C2orf72: variants seen among roughly 807,000 people sequenced by gnomAD.
The protein encoded by C2orf72 is uncharacterized protein C2orf72.
C2orf72 carries 16 observed loss-of-function variants against 14.4 expected under a neutral mutation model. The observed-to-expected ratio is 1.11, with a 90% CI of 0.75 to 1.69. The LOEUF is 1.69. Ranked by LOEUF, C2orf72 falls within the 40% of genes most tolerant of loss-of-function variation. The pLI is 0.00. For synonymous variants in C2orf72, 168 were observed against 176.8 expected, an observed-to-expected ratio of 0.95 and a Z score of 0.40; for missense variants, 371 against 358.3, an observed-to-expected ratio of 1.04 and a Z score of -0.29.
chr2:231,042,070 G>A (rs945391793), intron 2 of C2orf72, among the ~76,000 whole-genome samples: 37 of 152,118 alleles, frequency 2.4e-4, no homozygotes, highest in African/African-American at 7.2e-4. Flanking sequence ...CCACCTAGGA[G>A]GAGGCTGTCG....
chr2:231,042,799 G>T (rs1353837039), intron 2 of C2orf72, among the ~76,000 whole-genome samples: 1 of 152,254 alleles, frequency 6.6e-6, no homozygotes, highest in Non-Finnish European at 1.5e-5. Context: ...GAGGTCAGGA[G>T]TTCAAGCCCA....
At chr2:231,045,118 C>T (rs921329302) in intron 2 of C2orf72, among the ~76,000 whole-genome samples, 26 of 151,702 alleles carry the variant, frequency 1.7e-4, no homozygotes, top group African/African-American at 6.3e-4. Flanking sequence ...CAAAAATTAG[C>T]CAGGGCGTGG....
At chr2:231,044,945 T>TTATATATATATATATATATATATATATA (rs58611878) in intron 2 of C2orf72, among the ~76,000 whole-genome samples, 58 of 141,614 alleles carry the variant, frequency 4.1e-4, no homozygotes, top group Admixed American at 1.3e-3. Flanking sequence ...ATATATATCT[T>TTATATATATATATATATATATATATATA]TATATATATA....
At chr2:231,039,940 G>T (rs777256052) in intron 1 of C2orf72, among the ~76,000 whole-genome samples, 1 of 151,836 alleles carries the variant, frequency 6.6e-6, no homozygotes, top group Admixed American at 6.6e-5. Context: ...ACGGGGTTTC[G>T]CCATATTGAC....
At position 231,047,295 on chromosome 2, in the gene C2orf72, G is replaced by A. The variant is rs1269604194; in HGVS notation, c.*274G>A. On this transcript the variant is annotated 3_prime_UTR_variant, in exon 3 of 3. Transcript: ENST00000373640. ...TGTCTCGGTTTCTCTGAGCCACTGA[G>A]ACAGATGGCTGTCCGCTTTGAGGCT... 2.0e-6 allele frequency: 1 copy of A among 512,234 alleles called. No individual in the cohort carries two copies. The highest frequency in any genetic ancestry group is 3.7e-6 in the Non-Finnish European group (1 of 271,948). 31.7% of individuals were successfully genotyped at this position (512,234 alleles called of 1,614,324 possible).
Position 231,049,618 on chromosome 2 carries a change from T to G in C2orf72, c.*2597T>G, listed in dbSNP as rs1260794236. ...CAGTCTGGGCTCTCGGGTACTAATCTTTCTAATATGGCAGTGGTTGTGGCA... is the reference window on the plus strand; with the variant it reads ...CAGTCTGGGCTCTCGGGTACTAATCGTTCTAATATGGCAGTGGTTGTGGCA... On this transcript the variant is annotated 3_prime_UTR_variant, in exon 3 of 3. Transcript: ENST00000373640. The G allele has an allele frequency of 6.6e-6, 1 of 152,248 alleles. No individual in the cohort carries two copies. The highest frequency in any genetic ancestry group is 2.4e-5 in the African/African-American group (1 of 41,452). 9.4% of individuals were successfully genotyped at this position (152,248 alleles called of 1,614,324 possible).
At chr2:231,040,113 AC>A (rs1370902277) in intron 1 of C2orf72, among the ~76,000 whole-genome samples, 1 of 151,590 alleles carries the variant, frequency 6.6e-6, no homozygotes, top group African/African-American at 2.4e-5. Context: ...CCTCCTCCTC[AC>A]CTGGCCAATC....
At position 231,049,388 on chromosome 2, in the gene C2orf72, C is replaced by T. The variant is rs1372682569; in HGVS notation, c.*2367C>T. ...GAGATGTGGCCACCATAAGCATCATCGTTGTAGGGACAGTCTCATTGCTGT... is the reference window on the plus strand; with the variant it reads ...GAGATGTGGCCACCATAAGCATCATTGTTGTAGGGACAGTCTCATTGCTGT... On this transcript the variant is annotated 3_prime_UTR_variant, in exon 3 of 3. Transcript: ENST00000373640. 2.6e-5 allele frequency: 4 copies of T among 152,218 alleles called. No homozygotes were observed. Among genetic ancestry groups the T allele is most frequent in the African/African-American group, 9.7e-5 (4 of 41,440 alleles). The allele number at this position is 152,218 out of a possible 1,614,324, so 9.4% of individuals were successfully genotyped here.
chr2:231,041,970 G>A (rs1693348622), intron 2 of C2orf72, among the ~76,000 whole-genome samples: 1 of 152,148 alleles, frequency 6.6e-6, no homozygotes, highest in Non-Finnish European at 1.5e-5. Flanking sequence ...CAGCCTTCAG[G>A]AGTAGTGTGC....
chr2:231,039,158 C>T (rs1031172861), intron 1 of C2orf72, among the ~76,000 whole-genome samples: 1 of 152,004 alleles, frequency 6.6e-6, no homozygotes, highest in African/African-American at 2.4e-5. Context: ...GAACATCACA[C>T]ACCAGGGACT....
At chr2:231,041,176 TCAGA>T (rs1190306530) in intron 1 of C2orf72, 116 bp from the exon 2 acceptor site, 2 of 677,976 alleles carry the variant, frequency 2.9e-6, no homozygotes, top group Non-Finnish European at 4.8e-6. Flanking sequence ...GTGTTTTTAA[TCAGA>T]CAGTTGAAAC....
intron 1 of C2orf72, among the ~76,000 whole-genome samples, chr2:231,038,791 AAG>A (rs1693297255): frequency 6.6e-6 from 1 of 151,978 alleles, no homozygotes; most frequent in Non-Finnish European, 1.5e-5. Flanking sequence ...GAGAGGGACT[AAG>A]AGTACATTTT....
Position 231,049,594 on chromosome 2 carries a change from A to C in C2orf72, c.*2573A>C, listed in dbSNP as rs1254783456. On this transcript the variant is annotated 3_prime_UTR_variant, in exon 3 of 3. Transcript: ENST00000373640. The stretch of plus-strand genomic sequence containing the variant: ...GGCGAGAGGCCTCCAGCCGGGTGAC[A>C]GTCTGGGCTCTCGGGTACTAATCTT... 6.6e-6 allele frequency: 1 copy of C among 152,296 alleles called. No homozygotes were observed. The highest frequency in any genetic ancestry group is 1.5e-5 in the Non-Finnish European group (1 of 68,072). The allele number at this position is 152,296 out of a possible 1,614,324, so 9.4% of individuals were successfully genotyped here.
chr2:231,045,781 G>A (rs188680523), intron 2 of C2orf72, among the ~76,000 whole-genome samples: 11 of 152,236 alleles, frequency 7.2e-5, no homozygotes, highest in South Asian at 4.1e-4. Flanking sequence ...ACCTCCCAAA[G>A]TGCTGGGATT....
intron 2 of C2orf72, among the ~76,000 whole-genome samples, chr2:231,045,395 G>T (rs1238182129): frequency 2.6e-5 from 4 of 151,902 alleles, no homozygotes; most frequent in Admixed American, 6.6e-5. Context: ...GACTGGCAGC[G>T]AGTTAGGTTG....
In C2orf72 at chr2:231,038,099, C is replaced by A. The variant is rs1356357162; in HGVS notation, c.534C>A (p.Pro178=). The change falls in exon 1 of 3, where the codon CCC becomes CCA. Residue 178 remains proline, a synonymous_variant. Transcript: ENST00000373640. ...RAVFGRQAGG[P]VQAAAYCPGL... The stretch of plus-strand genomic sequence containing the variant: ...TGTTCGGCCGCCAGGCGGGGGGGCC[C>A]GTGCAGGCGGCCGCCTACTGCCCCG... The A allele has an allele frequency of 2.6e-6, 3 of 1,153,764 alleles. No individual in the cohort carries two copies. The highest frequency in any genetic ancestry group is 3.2e-6 in the Non-Finnish European group (3 of 938,178). The allele number at this position is 1,153,764 out of a possible 1,614,324, so 71.5% of individuals were successfully genotyped here.
At chr2:231,041,139 C>T in intron 1 of C2orf72, 157 bp from the exon 2 acceptor site, 1 of 542,322 alleles carries the variant, frequency 1.8e-6, no homozygotes, top group Non-Finnish European at 3.2e-6. Context: ...GTTTTAAAAA[C>T]CCACCCACTT....
intron 2 of C2orf72, among the ~76,000 whole-genome samples, chr2:231,046,421 C>T (rs1382244473): frequency 6.6e-6 from 1 of 151,902 alleles, no homozygotes; most frequent in African/African-American, 2.4e-5. Flanking sequence ...CAACCAGTCC[C>T]ATTGTTGGAC....
chr2:231,037,881 C>G lies in C2orf72; in HGVS notation c.316C>G (p.Leu106Val). ...AAAARAIRSP[L>V]VFVLCRASSL... ...GGCGGCGCGCGCCATCCGCTCGCCG[C>G]TGGTCTTCGTGCTGTGCCGCGCGTC... Residue 106 changes from leucine to valine, a missense_variant, in exon 1 of 3, where the codon CTG becomes GTG. Leu to Val is a conservative substitution (Grantham distance 32). This residue lies in a region of C2orf72 where 214 missense variants were observed against 178.7 expected (regional missense o/e 1.20). Transcript: ENST00000373640. 4.0e-6 allele frequency: 4 copies of G among 989,366 alleles called. No individual in the cohort carries two copies. The highest frequency in any genetic ancestry group is 4.8e-6 in the Non-Finnish European group (4 of 835,662). 61.3% of individuals were successfully genotyped at this position (989,366 alleles called of 1,614,324 possible).
Sources: allele counts gnomAD v4.1 joint callset (sites outside exome capture counted in the v4.1 genomes callset), GRCh38; gene constraint gnomAD v4.1.1; regional missense constraint gnomAD v4.1.1; transcripts MANE v1.5; gene names NCBI Gene and HGNC (gene_info 2026-07-23, HGNC 2026-07-21).